The following CUBN variants were observed in gnomAD, a reference collection of about 807,000 sequenced individuals.
CUBN encodes 460 kDa receptor.
CUBN carries 282 observed loss-of-function variants against 405.3 expected under a neutral mutation model. That is an observed-to-expected ratio of 0.70 (90% CI 0.63 to 0.77). The LOEUF (loss-of-function observed/expected upper bound fraction) is 0.77, where lower values mean the gene tolerates loss of function less well. Among genes scored for constraint, CUBN ranks in the 30% least tolerant of loss-of-function variants. The pLI is 0.00. For synonymous variants in CUBN, 1,684 were observed against 1,617.0 expected (o/e 1.04, Z -0.99); for missense variants, 4,514 against 4,475.2 (o/e 1.01, Z -0.25).
Position 16,899,076 on chromosome 10 carries a change from T to C in CUBN, c.8518A>G (p.Ser2840Gly). ...RCSWTAITHK[S>G]KHLEISFDNN... ...TCAAAGCTGATCTCCAAGTGTTTAC[T>C]TTTGTGAGTAATGGCCGTCCAGGAA... The change falls in exon 54 of 67, where the codon AGT becomes GGT. Residue 2840 changes from serine (S) to glycine (G), a missense_variant. By Grantham distance (56) the Ser-to-Gly change is moderately conservative. Around this residue, in one of 5 missense-constraint regions of CUBN, gnomAD observed 1,186 missense variants for 1,186.9 expected, o/e 1.00. Transcript: ENST00000377833. 1 of 1,613,856 alleles carries C rather than the reference T, an allele frequency of 6.2e-7. No homozygotes were observed. Among genetic ancestry groups the C allele is most frequent in the Non-Finnish European group, 8.5e-7 (1 of 1,179,702 alleles).
At chr10:17,034,968 A>G (rs190193489) in intron 27 of CUBN, among the ~76,000 whole-genome samples, 10 of 152,208 alleles carry the variant, frequency 6.6e-5, no homozygotes, top group African/African-American at 2.4e-4. Context: ...TCACCAAGAC[A>G]ATAGGAGACA....
intron 31 of CUBN, among the ~76,000 whole-genome samples, chr10:16,976,174 A>G (rs994359368): frequency 6.6e-6 from 1 of 151,674 alleles, no homozygotes; most frequent in African/African-American, 2.4e-5. Context: ...GTCTCACTAC[A>G]TTGCCCAGGC....
chr10:16,976,181 A>T (rs1263793964), intron 31 of CUBN, among the ~76,000 whole-genome samples: 1 of 151,910 alleles, frequency 6.6e-6, no homozygotes, highest in Non-Finnish European at 1.5e-5. Flanking sequence ...TACATTGCCC[A>T]GGCTGGTCTC....
intron 31 of CUBN, among the ~76,000 whole-genome samples, chr10:16,964,351 A>G (rs1220425420): frequency 2.0e-5 from 3 of 152,216 alleles, no homozygotes; most frequent in Non-Finnish European, 4.4e-5. Flanking sequence ...CGTCCATTTC[A>G]TTGACTAGCC....
chr10:17,112,266 T>C (rs1278792440), intron 8 of CUBN, among the ~76,000 whole-genome samples: 1 of 152,136 alleles, frequency 6.6e-6, no homozygotes, highest in African/African-American at 2.4e-5. Flanking sequence ...TGGCAAAATG[T>C]GTACATGAAA....
chr10:16,824,297 C>T lies in CUBN; in HGVS notation c.*678G>A, dbSNP rs979895620. The T allele has an allele frequency of 6.6e-6, 1 of 152,284 alleles. No individual in the cohort carries two copies. Among genetic ancestry groups the T allele is most frequent in the Non-Finnish European group, 1.5e-5 (1 of 68,146 alleles). 9.4% of individuals were successfully genotyped at this position (152,284 alleles called of 1,614,324 possible). A position where few individuals can be genotyped will look rare whatever the true frequency, so the allele number is the denominator to read the frequency against. On this transcript the variant is annotated 3_prime_UTR_variant, in exon 67 of 67. Transcript: ENST00000377833. Reference sequence around the variant, plus strand: ...CAAACTCCTAGGTTCAAGCAATCCTCCCATCATGGCCTCCCAGCGTGCTGG... The same window carrying T: ...CAAACTCCTAGGTTCAAGCAATCCTTCCATCATGGCCTCCCAGCGTGCTGG...
Position 17,129,624 on chromosome 10 carries a change from T to C in CUBN, c.122+20A>G, listed in dbSNP as rs944468917. The C allele has an allele frequency of 1.9e-6, 3 of 1,614,062 alleles. No homozygotes were observed. The highest frequency in any genetic ancestry group is 3.3e-5 in the Admixed American group (2 of 60,012). Reference sequence around the variant, plus strand: ...AATTAGCCTAGTCCCTGAGCAGGAATGACCCATGTGTTTACTTACTGTTGG... The same window carrying C: ...AATTAGCCTAGTCCCTGAGCAGGAACGACCCATGTGTTTACTTACTGTTGG... On this transcript the variant is annotated intron_variant, in intron 1 of 66. Transcript: ENST00000377833.
chr10:16,985,376 T>C (rs1341758753), intron 29 of CUBN, among the ~76,000 whole-genome samples: 2 of 152,158 alleles, frequency 1.3e-5, no homozygotes, highest in Non-Finnish European at 2.9e-5. Context: ...CGAAACTCTA[T>C]GGGGAAGATC....
At chr10:16,885,488 T>C (rs1243947982) in intron 56 of CUBN, among the ~76,000 whole-genome samples, 2 of 152,026 alleles carry the variant, frequency 1.3e-5, no homozygotes, top group African/African-American at 4.8e-5. Flanking sequence ...CAAAGTGCTA[T>C]ATATATATAA....
intron 31 of CUBN, among the ~76,000 whole-genome samples, chr10:16,959,032 A>G (rs997490952): frequency 1.3e-5 from 2 of 152,120 alleles, no homozygotes; most frequent in Non-Finnish European, 2.9e-5. Flanking sequence ...CAGAAGAGAG[A>G]GAACCTGTTG....
rs1251118545 is a variant in CUBN at position 16,982,593 on chromosome 10, G to C, written c.4586C>G (p.Pro1529Arg). 1 of 1,613,646 alleles carries C rather than the reference G, an allele frequency of 6.2e-7. No homozygotes were observed. Among genetic ancestry groups the C allele is most frequent in the Admixed American group, 1.7e-5 (1 of 60,026 alleles). The change falls in exon 31 of 67, where the codon CCT becomes CGT. Residue 1529 changes from proline to arginine, a missense_variant. Physicochemically the swap from Pro to Arg is moderately radical, Grantham distance 103 (BLOSUM62 -2). This residue lies in a region of CUBN where 1,613 missense variants were observed against 1,542.8 expected (regional missense o/e 1.05). Coordinates refer to ENST00000377833, the MANE Select transcript of CUBN (RefSeq NM_001081.4). The stretch of plus-strand genomic sequence containing the variant: ...AGAACAGTCTGTGTTGCTCCTATAA[G>C]GACTGGGGTAATTTGGAGAATGAAT... ...GEIHSPNYPSPYRSNTDCSWV... is the reference protein window; with the variant it reads ...GEIHSPNYPSRYRSNTDCSWV...
intron 39 of CUBN, among the ~76,000 whole-genome samples, chr10:16,935,110 C>T (rs992159442): frequency 6.7e-6 from 1 of 148,774 alleles, no homozygotes. Flanking sequence ...GATACCATTA[C>T]TTAACTCACA....
chr10:16,875,637 A>C (rs548668887), intron 57 of CUBN, among the ~76,000 whole-genome samples: 18 of 152,152 alleles, frequency 1.2e-4, no homozygotes, highest in African/African-American at 4.3e-4. Context: ...GGTAGCAATC[A>C]CTCCTTTTCA....
chr10:17,016,576 C>A (rs1415261236), intron 28 of CUBN, among the ~76,000 whole-genome samples: 1 of 152,154 alleles, frequency 6.6e-6, no homozygotes, highest in Non-Finnish European at 1.5e-5. Flanking sequence ...CTGAAAACTT[C>A]CCCAGGTCTG....
chr10:17,046,241 A>C, intron 23 of CUBN, 147 bp from the exon 24 acceptor site: 1 of 693,984 alleles, frequency 1.4e-6, no homozygotes, highest in Non-Finnish European at 2.4e-6. Context: ...ACTCTAAAAA[A>C]CACGATTTTC....
chr10:16,889,935 C>CAAAAAA (rs1554788544), intron 55 of CUBN, among the ~76,000 whole-genome samples: 2 of 19,900 alleles, frequency 1.0e-4, no homozygotes, highest in African/African-American at 2.1e-4. Context: ...GACGCCGTGT[C>CAAAAAA]AAAAAAAAAA....
At chr10:16,953,285 A>G (rs184894522) in intron 32 of CUBN, among the ~76,000 whole-genome samples, 94 of 152,338 alleles carry the variant, frequency 6.2e-4, no homozygotes, top group African/African-American at 2.0e-3. Flanking sequence ...AAGAACTATT[A>G]GGAAACTAGT....
Position 16,933,167 on chromosome 10 carries a change from G to C in CUBN, c.6044C>G (p.Ser2015Cys), listed in dbSNP as rs756059107. 6.2e-7 allele frequency: 1 copy of C among 1,614,094 alleles called. No individual in the cohort carries two copies. The highest frequency in any genetic ancestry group is 8.5e-7 in the Non-Finnish European group (1 of 1,180,006). ...DCTWLIQAPD[S>C]TVELNILSLD... ...GGAAAGAATGTTGAGTTCCACGGTAGAGTCGGGAGCCTGGATGAGCCACGT... is the reference window on the plus strand; with the variant it reads ...GGAAAGAATGTTGAGTTCCACGGTACAGTCGGGAGCCTGGATGAGCCACGT... The change falls in exon 40 of 67, where the codon TCT becomes TGT. Residue 2015 changes from serine (S) to cysteine (C), a missense_variant. Physicochemically the swap from Ser to Cys is moderately radical, Grantham distance 112. This residue lies in a region of CUBN where 1,613 missense variants were observed against 1,542.8 expected (regional missense o/e 1.05). Coordinates refer to ENST00000377833, the MANE Select transcript of CUBN (RefSeq NM_001081.4).
rs151146142 is a variant in CUBN at position 17,046,439 on chromosome 10, T to C, written c.3330-345A>G. Reference sequence around the variant, plus strand: ...TAAAGAAACTATACTATTAACTATATAAACATACTGCTGTATTTTACAGAG... The same window carrying C: ...TAAAGAAACTATACTATTAACTATACAAACATACTGCTGTATTTTACAGAG... On this transcript the variant is annotated intron_variant, in intron 23 of 66. Coordinates refer to ENST00000377833, the MANE Select transcript of CUBN (RefSeq NM_001081.4). Among the ~76,000 whole-genome samples, 665 of 152,294 alleles carry C rather than the reference T, an allele frequency of 4.4e-3. 10 individuals are homozygous for C. The highest frequency in any genetic ancestry group is 0.015 in the African/African-American group (634 of 41,572).
Sources: gnomAD v4.1 joint callset for allele counts (sites outside exome capture counted in the v4.1 genomes callset) on GRCh38, gnomAD v4.1.1 for gene constraint, gnomAD v4.1.1 regional missense constraint, MANE v1.5 for transcripts, NCBI Gene and HGNC (gene_info 2026-07-23, HGNC 2026-07-21) for gene names.